IFRD1: variants seen among roughly 807,000 people sequenced by gnomAD.
IFRD1 encodes the protein interferon related developmental regulator 1, also known as interferon-related developmental regulator 1.
Under a neutral mutation model 52.9 loss-of-function variants are expected in IFRD1, and 35 were observed. That is an observed-to-expected ratio of 0.66 (90% CI 0.51 to 0.88). IFRD1 has a LOEUF of 0.88. IFRD1 is among the 40% of genes least tolerant of loss of function. The probability of loss-of-function intolerance (pLI) is 0.00; values close to 1 mark genes in which losing one functional copy is unlikely to be tolerated. For missense variants in IFRD1, 517 were observed against 550.8 expected, an observed-to-expected ratio of 0.94 and a Z score of 0.61; for synonymous variants, 184 against 188.4, an observed-to-expected ratio of 0.98 and a Z score of 0.19.
chr7:112,475,915 G>T lies in IFRD1; in HGVS notation c.*396G>T. 2 of 166,384 alleles carry T rather than the reference G, an allele frequency of 1.2e-5. No individual in the cohort carries two copies. Among genetic ancestry groups the T allele is most frequent in the Non-Finnish European group, 2.6e-5 (2 of 76,988 alleles). The allele number at this position is 166,384 out of a possible 1,614,324, so 10.3% of individuals were successfully genotyped here. ...AGACAAGAGTTCTGGGTACAATTTT[G>T]GGATCTAGTTCCCCTGGAAAAGCTG... On this transcript the variant is annotated 3_prime_UTR_variant, in exon 12 of 12. Transcript: ENST00000403825.
chr7:112,456,528 TAG>T (rs1795295321), intron 3 of IFRD1, among the ~76,000 whole-genome samples: 1 of 152,102 alleles, frequency 6.6e-6, no homozygotes, highest in Non-Finnish European at 1.5e-5. Context: ...CTGACCTTAA[TAG>T]AATTAAAAAG....
upstream of IFRD1, among the ~76,000 whole-genome samples, chr7:112,449,360 G>A (rs954260783): frequency 2.6e-5 from 4 of 152,172 alleles, no homozygotes; most frequent in Non-Finnish European, 5.9e-5. Context: ...TGAACAAAGG[G>A]AAGACAGGAA....
In IFRD1 at chr7:112,475,407, GT is replaced by G; in HGVS notation, c.1267-18del. On this transcript the variant is annotated intron_variant, in intron 11 of 11. Transcript: ENST00000403825. ...AATATCTTAAGTCTTACTGATGCACGTTTTTCCTTTTTTTCATTTTAGCATT... is the reference window on the plus strand; with the variant it reads ...AATATCTTAAGTCTTACTGATGCACGTTTTCCTTTTTTTCATTTTAGCATT... 2.1e-6 allele frequency: 3 copies of G among 1,448,414 alleles called. No homozygotes were observed. Among genetic ancestry groups the G allele is most frequent in the Non-Finnish European group, 1.9e-6 (2 of 1,031,050 alleles). The allele number at this position is 1,448,414 out of a possible 1,614,324, so 89.7% of individuals were successfully genotyped here. A position where few individuals can be genotyped will look rare whatever the true frequency, so the allele number is the denominator to read the frequency against.
At position 112,462,137 on chromosome 7, in the gene IFRD1, T is replaced by A; in HGVS notation, c.755T>A (p.Leu252Gln). The A allele has an allele frequency of 6.2e-7, 1 of 1,613,932 alleles. No individual in the cohort carries two copies. The highest frequency in any genetic ancestry group is 8.5e-7 in the Non-Finnish European group (1 of 1,179,918). Residue 252 changes from leucine (L) to glutamine (Q), a missense_variant, in exon 7 of 12, where the codon CTG (leucine) becomes CAG (glutamine). Physicochemically the swap from Leu to Gln is moderately radical, Grantham distance 113. Coordinates refer to ENST00000403825, the MANE Select transcript of IFRD1 (RefSeq NM_001550.4). ...ISSLLAWTLL[L>Q]TICPINEVKK... The stretch of plus-strand genomic sequence containing the variant: ...TCTCTTCTTGCATGGACACTACTGC[T>A]GACCATATGCCCAATCAATGAAGTG...
chr7:112,465,558 AG>A (rs758675067), intron 8 of IFRD1, among the ~76,000 whole-genome samples: 12 of 149,154 alleles, frequency 8.0e-5, no homozygotes, highest in African/African-American at 1.2e-4. Flanking sequence ...TGTTCATAAC[AG>A]TAAGATCTAT....
chr7:112,464,295 T>A (rs1197558235), intron 8 of IFRD1, among the ~76,000 whole-genome samples: 3 of 152,112 alleles, frequency 2.0e-5, no homozygotes, highest in Non-Finnish European at 4.4e-5. Context: ...GAGCTAACTT[T>A]TAGGTTGGAT....
At position 112,476,907 on chromosome 7, in the gene IFRD1, TC is replaced by T. The variant is rs1362390100; in HGVS notation, c.*1392del. 6.6e-6 allele frequency: 1 copy of T among 152,108 alleles called. No homozygotes were observed. Among genetic ancestry groups the T allele is most frequent in the Non-Finnish European group, 1.5e-5 (1 of 68,038 alleles). The allele number at this position is 152,108 out of a possible 1,614,324, so 9.4% of individuals were successfully genotyped here. A position where few individuals can be genotyped will look rare whatever the true frequency, so the allele number is the denominator to read the frequency against. ...TAAGGTCTTTTTTCCAAACTAGTGT[TC>T]CCCTCCCACATCCCAACAACTCTTG... is the stretch of plus-strand genomic sequence containing the variant. On this transcript the variant is annotated 3_prime_UTR_variant, in exon 12 of 12. Coordinates refer to ENST00000403825, the MANE Select transcript of IFRD1 (RefSeq NM_001550.4).
At chr7:112,472,161 T>C in intron 9 of IFRD1, 58 bp from the exon 10 acceptor site, 6 of 1,581,726 alleles carry the variant, frequency 3.8e-6, no homozygotes. Context: ...TGTGTTTACA[T>C]AAGATCCCTC....
At position 112,462,016 on chromosome 7, in the gene IFRD1, C is replaced by T; in HGVS notation, c.634C>T (p.Leu212=). 1 of 1,612,422 alleles carries T rather than the reference C, an allele frequency of 6.2e-7. No homozygotes were observed. Among genetic ancestry groups the T allele is most frequent in the Non-Finnish European group, 8.5e-7 (1 of 1,178,814 alleles). The part of the protein sequence containing the change: ...TDDITELYST[L]ECLENIFTKS... ...TATGCATTAGGAACTATACTCAACT[C>T]TGGAATGTTTGGAAAATATCTTCAC... The change falls in exon 7 of 12, where the codon CTG becomes TTG. Residue 212 remains leucine (L), a synonymous_variant. Coordinates refer to ENST00000403825, the MANE Select transcript of IFRD1 (RefSeq NM_001550.4).
At chr7:112,465,990 A>G (rs994324829) in intron 8 of IFRD1, among the ~76,000 whole-genome samples, 3 of 152,170 alleles carry the variant, frequency 2.0e-5, no homozygotes, top group African/African-American at 7.2e-5. Flanking sequence ...TAGATTTATA[A>G]TTTATAAAAC....
intron 9 of IFRD1, among the ~76,000 whole-genome samples, chr7:112,471,836 C>T (rs1028387618): frequency 6.6e-6 from 1 of 152,072 alleles, no homozygotes; most frequent in Admixed American, 6.6e-5. Flanking sequence ...CATCATTTCA[C>T]CCCCTGCTTG....
chr7:112,444,462 T>C (rs1412330818), intron 1 of IFRD1, among the ~76,000 whole-genome samples: 3 of 152,096 alleles, frequency 2.0e-5, no homozygotes, highest in African/African-American at 4.8e-5. Flanking sequence ...TTCTTGGCAA[T>C]AAAACAAAAA....
At chr7:112,461,732 T>C (rs1214164741) in intron 5 of IFRD1, 134 bp from the exon 6 acceptor site, 1 of 496,580 alleles carries the variant, frequency 2.0e-6, no homozygotes, top group South Asian at 3.6e-5. Flanking sequence ...CTCACCTCTT[T>C]TATGTATAAT....
At chr7:112,451,832 T>C (rs73428468) in intron 1 of IFRD1, among the ~76,000 whole-genome samples, 1 of 152,086 alleles carries the variant, frequency 6.6e-6, no homozygotes, top group African/African-American at 2.4e-5. Context: ...CTATTAGCCA[T>C]CAGGTATTTT....
chr7:112,427,044 C>T (rs1388402008), intron 1 of IFRD1, among the ~76,000 whole-genome samples: 3 of 152,184 alleles, frequency 2.0e-5, no homozygotes, highest in Admixed American at 6.5e-5. Flanking sequence ...GTCAGAACCT[C>T]CTGAGGCTGT....
At chr7:112,454,909 C>A (rs1318362067) in intron 1 of IFRD1, among the ~76,000 whole-genome samples, 1 of 135,578 alleles carries the variant, frequency 7.4e-6, no homozygotes, top group Non-Finnish European at 1.5e-5. Context: ...GTCTGTCGCC[C>A]AGGCTGGAGT....
At chr7:112,475,402 T>C (rs377333621) in intron 11 of IFRD1, 28 bp from the exon 12 acceptor site, 6 of 1,288,386 alleles carry the variant, frequency 4.7e-6, no homozygotes, top group Non-Finnish European at 4.5e-6. Flanking sequence ...GTCTTACTGA[T>C]GCACGTTTTT....
Position 112,476,363 on chromosome 7 carries a change from A to G in IFRD1, c.*844A>G, listed in dbSNP as rs1308172052. On this transcript the variant is annotated 3_prime_UTR_variant, in exon 12 of 12. Coordinates refer to ENST00000403825, the MANE Select transcript of IFRD1 (RefSeq NM_001550.4). ...TTGGGATTAAGGTTTCTGACTTTCAAGAATATTTCTGCTTGGCAACATGCA... is the reference window on the plus strand; with the variant it reads ...TTGGGATTAAGGTTTCTGACTTTCAGGAATATTTCTGCTTGGCAACATGCA... 1.3e-5 allele frequency: 2 copies of G among 152,256 alleles called. No homozygotes were observed. Among genetic ancestry groups the G allele is most frequent in the Non-Finnish European group, 2.9e-5 (2 of 68,054 alleles). The allele number at this position is 152,256 out of a possible 1,614,324, so 9.4% of individuals were successfully genotyped here.
chr7:112,448,655 G>A (rs1010593576), upstream of IFRD1, among the ~76,000 whole-genome samples: 1 of 152,224 alleles, frequency 6.6e-6, no homozygotes, highest in Non-Finnish European at 1.5e-5. Context: ...ATTAAACAAA[G>A]TAAAAGCAAC....
Sources: gnomAD v4.1 joint callset for allele counts (sites outside exome capture counted in the v4.1 genomes callset) on GRCh38, gnomAD v4.1.1 for gene constraint, MANE v1.5 for transcripts, NCBI Gene and HGNC (gene_info 2026-07-23, HGNC 2026-07-21) for gene names.